The following PPFIBP2 variants were observed in gnomAD, a reference collection of about 807,000 sequenced individuals.
PPFIBP2 encodes the protein liprin-beta-2.
PPFIBP2 carries 118 observed loss-of-function variants against 118.3 expected under a neutral mutation model. That is an observed-to-expected ratio of 1.00 (90% CI 0.86 to 1.16). The LOEUF (loss-of-function observed/expected upper bound fraction) is 1.16. Among genes scored for constraint, PPFIBP2 ranks in the 50% most tolerant of loss-of-function variants. The pLI, the probability that PPFIBP2 is intolerant of heterozygous loss-of-function variation, is 0.00. For synonymous variants in PPFIBP2, 414 were observed against 397.4 expected (o/e 1.04, Z -0.50); for missense variants, 1,195 against 1,073.1 (o/e 1.11, Z -1.59).
At chr11:7,617,061 A>C in intron 6 of PPFIBP2, 7 of 926,900 alleles carry the variant, frequency 7.6e-6, no homozygotes, top group Non-Finnish European at 9.0e-6. Flanking sequence ...TCTGCGTCTG[A>C]GAGCTGTCTG....
chr11:7,523,075 T>C (rs1279449125), intron 1 of PPFIBP2, among the ~76,000 whole-genome samples: 1 of 152,014 alleles, frequency 6.6e-6, no homozygotes, highest in East Asian at 1.9e-4. Flanking sequence ...CAGGGTCCGG[T>C]GTAGAGTCAG....
intron 14 of PPFIBP2, among the ~76,000 whole-genome samples, chr11:7,639,362 C>T (rs1851836678): frequency 6.6e-6 from 1 of 152,144 alleles, no homozygotes. Context: ...ATTAGAATGC[C>T]AATTTTCATA....
chr11:7,604,145 G>T (rs1847029957), intron 5 of PPFIBP2, among the ~76,000 whole-genome samples: 1 of 152,142 alleles, frequency 6.6e-6, no homozygotes, highest in East Asian at 1.9e-4. Context: ...AGGGCTCCAA[G>T]AATGTTTTCC....
At chr11:7,639,447 C>T (rs935831983) in intron 14 of PPFIBP2, among the ~76,000 whole-genome samples, 5 of 152,206 alleles carry the variant, frequency 3.3e-5, no homozygotes, top group Admixed American at 1.3e-4. Flanking sequence ...CAGCAAAGGC[C>T]GCTTTGCAAG....
chr11:7,642,066 C>T (rs141648496), intron 16 of PPFIBP2: 3 of 498,282 alleles, frequency 6.0e-6, no homozygotes, highest in African/African-American at 3.9e-5. Flanking sequence ...TCAAACTTTG[C>T]TTTGACTTCT....
chr11:7,561,620 G>A (rs950078898), intron 2 of PPFIBP2, among the ~76,000 whole-genome samples: 1 of 151,948 alleles, frequency 6.6e-6, no homozygotes, highest in Non-Finnish European at 1.5e-5. Context: ...ATTTTTTTCT[G>A]TGAGGGTAAT....
chr11:7,590,380 G>A lies in PPFIBP2; in HGVS notation c.280-2752G>A, dbSNP rs76582878. ...CCTTTAAAAAGCTTGCTGGAGAACG[G>A]TGATTTTGAAGGACCTGTAGAAGAG... On this transcript the variant is annotated intron_variant, in intron 3 of 23. Coordinates refer to ENST00000299492, the MANE Select transcript of PPFIBP2 (RefSeq NM_003621.5). 1.5e-4 allele frequency among the ~76,000 whole-genome samples: 23 copies of A among 152,268 alleles called. 1 individual carries two copies. The East Asian group carries it at 4.4e-3, about 29-fold the overall frequency.
Position 7,597,445 on chromosome 11 carries a change from G to A in PPFIBP2, c.373-115G>A, listed in dbSNP as rs547128146. On this transcript the variant is annotated intron_variant, in intron 4 of 23. Transcript: ENST00000299492. ...CTGCCACTCAGCAAAAATCAAAATC[G>A]TTCACTGTGTGTAAGAGTCAGTGGT... 1.2e-4 allele frequency: 186 copies of A among 1,536,386 alleles called. 1 individual carries two copies. The highest frequency in any genetic ancestry group is 2.7e-4 in the Admixed American group (14 of 51,000).
At chr11:7,538,841 G>C (rs903689620) in intron 1 of PPFIBP2, among the ~76,000 whole-genome samples, 5 of 152,076 alleles carry the variant, frequency 3.3e-5, no homozygotes, top group African/African-American at 1.2e-4. Flanking sequence ...TAGATTCAGG[G>C]CCCTTTCTGC....
intron 1 of PPFIBP2, among the ~76,000 whole-genome samples, chr11:7,514,918 A>G (rs1291028002): frequency 6.6e-6 from 1 of 152,116 alleles, no homozygotes; most frequent in Non-Finnish European, 1.5e-5. Context: ...CCTTTTCTAT[A>G]TTTTGGTCTA....
intron 2 of PPFIBP2, among the ~76,000 whole-genome samples, chr11:7,562,988 C>A (rs1854522595): frequency 1.4e-5 from 2 of 139,326 alleles, no homozygotes; most frequent in African/African-American, 2.6e-5. Context: ...CACGCACACA[C>A]ACATATGCCT....
chr11:7,514,785 G>T (rs1310909575), intron 1 of PPFIBP2, among the ~76,000 whole-genome samples: 1 of 152,224 alleles, frequency 6.6e-6, no homozygotes, highest in Non-Finnish European at 1.5e-5. Flanking sequence ...CAAGAGAACA[G>T]AACTTCCAGC....
At chr11:7,578,007 A>G (rs1361036757) in intron 3 of PPFIBP2, among the ~76,000 whole-genome samples, 1 of 152,162 alleles carries the variant, frequency 6.6e-6, no homozygotes, top group Non-Finnish European at 1.5e-5. Context: ...GCCTTTTTAA[A>G]TGCATTGGAT....
chr11:7,651,667 A>G lies in PPFIBP2; in HGVS notation c.2259A>G (p.Pro753=), dbSNP rs763765484. The G allele has an allele frequency of 6.2e-7, 1 of 1,606,710 alleles. No individual in the cohort carries two copies. Among genetic ancestry groups the G allele is most frequent in the Non-Finnish European group, 8.5e-7 (1 of 1,174,326 alleles). The change falls in exon 23 of 24, where the codon CCA becomes CCG. Residue 753 remains proline, a synonymous_variant. Coordinates refer to ENST00000299492, the MANE Select transcript of PPFIBP2 (RefSeq NM_003621.5). Reference sequence around the variant, plus strand: ...TGGTTCCTTCTTAGATCCTGGAGCCACGCTTCACTGGGGACACCCTGGCTA... The same window carrying G: ...TGGTTCCTTCTTAGATCCTGGAGCCGCGCTTCACTGGGGACACCCTGGCTA... ...GVHGGLIILE[P]RFTGDTLAML... is the part of the protein sequence containing the mutation.
At chr11:7,644,582 C>G (rs952803361) in intron 17 of PPFIBP2, among the ~76,000 whole-genome samples, 12 of 152,058 alleles carry the variant, frequency 7.9e-5, no homozygotes, top group Non-Finnish European at 1.8e-4. Flanking sequence ...CATTTTGTTT[C>G]CTTTTCCTAC....
At chr11:7,643,562 G>T (rs924177460) in intron 17 of PPFIBP2, among the ~76,000 whole-genome samples, 2 of 152,218 alleles carry the variant, frequency 1.3e-5, no homozygotes, top group African/African-American at 4.8e-5. Flanking sequence ...AGAAAGGGAA[G>T]ACGTATGAAG....
At chr11:7,665,566 G>A in the PPFIBP2 span, 2 of 1,585,090 alleles carry the variant, frequency 1.3e-6, no homozygotes, top group Admixed American at 1.8e-5. Context: ...AGGAGATGCA[G>A]GAGCAAGCTG....
At chr11:7,649,792 C>T (rs1282711159) in intron 21 of PPFIBP2, 138 bp downstream of exon 21, 3 of 1,321,556 alleles carry the variant, frequency 2.3e-6, no homozygotes, top group Non-Finnish European at 3.2e-6. Context: ...TTTGCTTGTG[C>T]TTCCTGTTGC....
At chr11:7,590,756 T>G (rs921804715) in intron 3 of PPFIBP2, among the ~76,000 whole-genome samples, 2 of 152,348 alleles carry the variant, frequency 1.3e-5, no homozygotes, top group African/African-American at 2.4e-5. Context: ...GCTTTCACCT[T>G]TGGCCCATAT....
Sources: allele counts gnomAD v4.1 joint callset (sites outside exome capture counted in the v4.1 genomes callset), GRCh38; gene constraint gnomAD v4.1.1; transcripts MANE v1.5; gene names NCBI Gene and HGNC (gene_info 2026-07-23, HGNC 2026-07-21).